Variants in KCNIP4 observed in about 807,000 individuals in gnomAD.
KCNIP4 encodes the protein Kv channel-interacting protein 4.
A neutral mutation model predicts 34.0 loss-of-function variants in KCNIP4; 12 were observed. That is an observed-to-expected ratio of 0.35 (90% CI 0.23 to 0.57). The LOEUF is 0.57. Ranked by LOEUF, KCNIP4 falls within the 20% of genes least tolerant of loss-of-function variation. The pLI is 0.83. For missense variants in KCNIP4, 238 were observed against 311.7 expected (o/e 0.76, Z 1.78); for synonymous variants, 124 against 102.2 (o/e 1.21, Z -1.29).
intron 1 of KCNIP4, among the ~76,000 whole-genome samples, chr4:21,047,140 A>G (rs549088577): frequency 3.2e-4 from 49 of 152,340 alleles, no homozygotes; most frequent in African/African-American, 1.2e-3. Flanking sequence ...AACAGATAGC[A>G]TTTATTATAC....
chr4:21,092,194 G>T (rs550144098), intron 1 of KCNIP4, among the ~76,000 whole-genome samples: 2 of 151,970 alleles, frequency 1.3e-5, no homozygotes, highest in African/African-American at 4.8e-5. Flanking sequence ...CCTTAAAGAT[G>T]CTTCCAAGAA....
rs564258705 is a variant in KCNIP4 at position 21,073,387 on chromosome 4, A to G, written c.62-190678T>C. ...TCCCTTGTAAGTTGGATTCCTAGGT[A>G]TTTTATTCTCTTTGAAGCAATTGTG... is the stretch of plus-strand genomic sequence containing the variant. On this transcript the variant is annotated intron_variant, in intron 1 of 8. Transcript: ENST00000382152. Among the ~76,000 whole-genome samples, 309 of 152,164 alleles carry G rather than the reference A, an allele frequency of 2.0e-3. 1 individual carries two copies. Among genetic ancestry groups the G allele is most frequent in the African/African-American group, 6.8e-3 (284 of 41,522 alleles).
At chr4:21,185,169 CTAA>C (rs1184283511) in intron 1 of KCNIP4, among the ~76,000 whole-genome samples, 1 of 152,108 alleles carries the variant, frequency 6.6e-6, no homozygotes, top group African/African-American at 2.4e-5. Context: ...TCAAATTGTG[CTAA>C]GGTTTGGGAG....
At chr4:21,506,525 T>C (rs1008485510) in intron 1 of KCNIP4, among the ~76,000 whole-genome samples, 2 of 152,214 alleles carry the variant, frequency 1.3e-5, no homozygotes, top group African/African-American at 4.8e-5. Flanking sequence ...ATCAAAAGTA[T>C]ACATACAAAA....
intron 2 of KCNIP4, among the ~76,000 whole-genome samples, chr4:20,854,968 T>C (rs1435919775): frequency 6.6e-5 from 10 of 152,222 alleles, no homozygotes; most frequent in Admixed American, 6.5e-4. Context: ...TGGAAAATGC[T>C]GTGAACTTTA....
At chr4:21,310,057 C>T (rs1373788149) in intron 1 of KCNIP4, among the ~76,000 whole-genome samples, 1 of 151,994 alleles carries the variant, frequency 6.6e-6, no homozygotes, top group African/African-American at 2.4e-5. Context: ...TGAGACAAGG[C>T]CTTGCTTTTT....
At chr4:21,472,079 TAA>T (rs1305626355) in intron 1 of KCNIP4, among the ~76,000 whole-genome samples, 3 of 152,194 alleles carry the variant, frequency 2.0e-5, no homozygotes, top group Non-Finnish European at 4.4e-5. Flanking sequence ...GCCTTGAAGT[TAA>T]CCAGAAATTC....
At chr4:21,349,409 G>T (rs148154277) in intron 1 of KCNIP4, among the ~76,000 whole-genome samples, 1 of 152,196 alleles carries the variant, frequency 6.6e-6, no homozygotes, top group Non-Finnish European at 1.5e-5. Context: ...TAGAGGAGTC[G>T]CTGGAGACAC....
intron 1 of KCNIP4, among the ~76,000 whole-genome samples, chr4:21,033,065 G>C (rs1741149878): frequency 6.6e-6 from 1 of 152,102 alleles, no homozygotes. Flanking sequence ...TAGGAAGAAA[G>C]TGTTCTACTA....
At position 21,370,115 on chromosome 4, in the gene KCNIP4, C is replaced by T. The variant is rs371218250; in HGVS notation, c.62-487406G>A. Among the ~76,000 whole-genome samples, 20 of 147,696 alleles carry T rather than the reference C, an allele frequency of 1.4e-4. 4 individuals are homozygous for T. The highest frequency in any genetic ancestry group is 5.4e-4 in the African/African-American group (20 of 37,210). On this transcript the variant is annotated intron_variant, in intron 1 of 8. Coordinates refer to ENST00000382152, the MANE Select transcript of KCNIP4 (RefSeq NM_025221.6). ...GTGCTGGGATTACAGGCTTGAGCCA[C>T]TGCACCCGGCCAACCCAAGTTATTC...
At chr4:20,880,232 G>A (rs1244353011) in intron 2 of KCNIP4, among the ~76,000 whole-genome samples, 2 of 152,158 alleles carry the variant, frequency 1.3e-5, no homozygotes, top group Non-Finnish European at 2.9e-5. Flanking sequence ...GTGCACGTGT[G>A]TGTGGGCTCT....
intron 1 of KCNIP4, among the ~76,000 whole-genome samples, chr4:20,889,767 C>CAAAAAAAAAA (rs201346832): frequency 8.8e-6 from 1 of 114,004 alleles, no homozygotes; most frequent in Non-Finnish European, 2.0e-5. Flanking sequence ...ACTGGAAGTT[C>CAAAAAAAAAA]AAAAAAAAAA....
intron 1 of KCNIP4, among the ~76,000 whole-genome samples, chr4:21,409,421 T>C (rs918482481): frequency 2.0e-5 from 3 of 152,126 alleles, no homozygotes; most frequent in Non-Finnish European, 4.4e-5. Flanking sequence ...GAATACTATG[T>C]TTGTGGATCC....
At chr4:21,315,832 C>T (rs1462211673) in intron 1 of KCNIP4, among the ~76,000 whole-genome samples, 1 of 152,104 alleles carries the variant, frequency 6.6e-6, no homozygotes, top group Non-Finnish European at 1.5e-5. Context: ...ATGTAATTCC[C>T]CAGCTTCGAT....
intron 1 of KCNIP4, among the ~76,000 whole-genome samples, chr4:21,085,433 C>T (rs768041517): frequency 3.9e-5 from 6 of 152,230 alleles, no homozygotes; most frequent in Non-Finnish European, 8.8e-5. Context: ...ACCCATCTAA[C>T]TCTGCAGCCT....
At chr4:20,955,431 A>T (rs1217810950) in intron 1 of KCNIP4, among the ~76,000 whole-genome samples, 15 of 152,188 alleles carry the variant, frequency 9.9e-5, no homozygotes, top group Non-Finnish European at 2.9e-5. Context: ...GCCTCCAATC[A>T]TCAATTCTGC....
chr4:21,562,804 T>G (rs1739570484), intron 1 of KCNIP4, among the ~76,000 whole-genome samples: 1 of 152,014 alleles, frequency 6.6e-6, no homozygotes, highest in Non-Finnish European at 1.5e-5. Context: ...GATTTTAAAC[T>G]AAATATGAAA....
At chr4:21,201,135 G>A (rs943873537) in intron 1 of KCNIP4, among the ~76,000 whole-genome samples, 3 of 152,234 alleles carry the variant, frequency 2.0e-5, no homozygotes, top group Non-Finnish European at 4.4e-5. Flanking sequence ...AAGAAGGAAT[G>A]TGGAGGATTC....
intron 4 of KCNIP4, among the ~76,000 whole-genome samples, chr4:20,757,618 G>A (rs867630029): frequency 3.3e-5 from 5 of 152,016 alleles, no homozygotes; most frequent in African/African-American, 9.7e-5. Context: ...CACCCCATTT[G>A]CCTAAAATGT....
Sources: gnomAD v4.1 joint callset for allele counts (sites outside exome capture counted in the v4.1 genomes callset) on GRCh38, gnomAD v4.1.1 for gene constraint, MANE v1.5 for transcripts, NCBI Gene and HGNC (gene_info 2026-07-23, HGNC 2026-07-21) for gene names.